The following STAM variants were observed in gnomAD, a reference collection of about 807,000 sequenced individuals.
STAM encodes the protein signal transducing adapter molecule 1.
STAM carries 16 observed loss-of-function variants against 63.4 expected under a neutral mutation model. That is an observed-to-expected ratio of 0.25 (90% CI 0.17 to 0.38). The LOEUF (loss-of-function observed/expected upper bound fraction) is 0.38, where lower values mean the gene tolerates loss of function less well. Ranked by LOEUF, STAM falls within the 10% of genes least tolerant of loss-of-function variation. The pLI, the probability that STAM is intolerant of heterozygous loss-of-function variation, is 1.00. For missense variants in STAM, 636 were observed against 657.1 expected (o/e 0.97, Z 0.35); for synonymous variants, 238 against 223.9 (o/e 1.06, Z -0.56).
intron 2 of STAM, among the ~76,000 whole-genome samples, chr10:17,665,460 T>C (rs1006397644): frequency 6.6e-5 from 10 of 152,174 alleles, no homozygotes; most frequent in African/African-American, 2.4e-4. Flanking sequence ...CAAATGTGAA[T>C]ACATTTTCCC....
At chr10:17,706,999 A>G (rs1163532120) in intron 12 of STAM, among the ~76,000 whole-genome samples, 2 of 152,246 alleles carry the variant, frequency 1.3e-5, no homozygotes, top group African/African-American at 4.8e-5. Flanking sequence ...CCTGCTTTAC[A>G]TGAGAATGCA....
chr10:17,649,775 T>A (rs61842266), intron 1 of STAM, among the ~76,000 whole-genome samples: 2,889 of 152,304 alleles, frequency 0.019, 29 homozygotes, highest in Middle Eastern at 0.027. Flanking sequence ...TGTTTGTTTT[T>A]AAATCTTTTT....
intron 13 of STAM, among the ~76,000 whole-genome samples, chr10:17,711,786 G>T (rs534040087): frequency 6.6e-6 from 1 of 152,178 alleles, no homozygotes; most frequent in Non-Finnish European, 1.5e-5. Context: ...TGCCAAGGTC[G>T]AAGAATGCTT....
intron 12 of STAM, among the ~76,000 whole-genome samples, chr10:17,706,511 TG>T (rs1836285461): frequency 6.6e-6 from 1 of 151,300 alleles, no homozygotes; most frequent in South Asian, 2.1e-4. Context: ...CCTGAGTAGC[TG>T]GGACTACAGG....
At chr10:17,648,553 C>A (rs1015086672) in intron 1 of STAM, among the ~76,000 whole-genome samples, 1 of 152,190 alleles carries the variant, frequency 6.6e-6, no homozygotes, top group African/African-American at 2.4e-5. Context: ...GTAACACTCA[C>A]CACAAAGGTC....
intron 1 of STAM, among the ~76,000 whole-genome samples, chr10:17,651,037 C>A (rs1264103617): frequency 7.5e-6 from 1 of 132,886 alleles, no homozygotes; most frequent in African/African-American, 2.9e-5. Context: ...TGCATTCCAG[C>A]CTTGGTGACA....
chr10:17,647,243 C>T (rs1554820962), intron 1 of STAM, among the ~76,000 whole-genome samples: 1 of 152,184 alleles, frequency 6.6e-6, no homozygotes, highest in Non-Finnish European at 1.5e-5. Flanking sequence ...GTAAAGATAA[C>T]TTATTTCATC....
intron 2 of STAM, among the ~76,000 whole-genome samples, chr10:17,669,902 T>C (rs1208137207): frequency 6.7e-6 from 1 of 149,282 alleles, no homozygotes; most frequent in African/African-American, 2.5e-5. Context: ...TTTTTTTTTT[T>C]TGTATTTTTA....
intron 12 of STAM, among the ~76,000 whole-genome samples, chr10:17,708,545 A>C (rs10219064): frequency 0.13 from 19,898 of 152,212 alleles, 1,503 homozygotes; most frequent in East Asian, 0.26. Context: ...TTAATGCTTC[A>C]GTATGGAGAT....
intron 1 of STAM, among the ~76,000 whole-genome samples, chr10:17,658,333 GTTTGT>G (rs1834025692): frequency 1.3e-5 from 2 of 151,828 alleles, no homozygotes; most frequent in Non-Finnish European, 2.9e-5. Flanking sequence ...ATTTGTCTTG[GTTTGT>G]TTTATGACCC....
At chr10:17,712,389 TCTC>T (rs1836595596) in intron 13 of STAM, among the ~76,000 whole-genome samples, 1 of 152,182 alleles carries the variant, frequency 6.6e-6, no homozygotes, top group South Asian at 2.1e-4. Context: ...AAATTTGACA[TCTC>T]CTAATCAACT....
intron 2 of STAM, chr10:17,673,161 T>G: frequency 2.4e-6 from 1 of 420,220 alleles, no homozygotes; most frequent in Non-Finnish European, 3.2e-6. Flanking sequence ...AAATATTTTG[T>G]GTTTATTGCC....
rs1006382360 is a variant in STAM at position 17,649,648 on chromosome 10, C to T, written c.40+5269C>T. Reference sequence around the variant, plus strand: ...ATGAATTATTGGTGTTTTTCTAGAACATTAGTCTTGTATTTCTATTTGCTG... The same window carrying T: ...ATGAATTATTGGTGTTTTTCTAGAATATTAGTCTTGTATTTCTATTTGCTG... On this transcript the variant is annotated intron_variant, in intron 1 of 13. Transcript: ENST00000377524. Among the ~76,000 whole-genome samples the T allele has an allele frequency of 1.2e-4, 19 of 152,230 alleles. No homozygotes were observed. The East Asian group carries it at 1.3e-3, about 11-fold the overall frequency.
chr10:17,645,637 C>T (rs1554820737), intron 1 of STAM, among the ~76,000 whole-genome samples: 1 of 152,066 alleles, frequency 6.6e-6, no homozygotes, highest in African/African-American at 2.4e-5. Context: ...TTTTGTTCCA[C>T]CTTAAATGAG....
Position 17,715,078 on chromosome 10 carries a change from AC to A in STAM, c.*299del, listed in dbSNP as rs1836756522. On this transcript the variant is annotated 3_prime_UTR_variant, in exon 14 of 14. Transcript: ENST00000377524. ...ACCTGGTCTGCAGAAAGTCAAACTT[AC>A]AAAAACTGTTGTGACAAATGTTATG... 1 of 390,530 alleles carries A rather than the reference AC, an allele frequency of 2.6e-6. No homozygotes were observed. The highest frequency in any genetic ancestry group is 2.6e-5 in the South Asian group (1 of 38,406). The allele number at this position is 390,530 out of a possible 1,614,324, so 24.2% of individuals were successfully genotyped here.
chr10:17,702,281 C>T (rs898009093), intron 9 of STAM, among the ~76,000 whole-genome samples: 9 of 151,764 alleles, frequency 5.9e-5, no homozygotes, highest in South Asian at 2.1e-4. Context: ...CAAAGAAATC[C>T]CATATGGTCA....
intron 6 of STAM, 70 bp downstream of exon 6, chr10:17,693,382 A>G: frequency 7.7e-7 from 1 of 1,292,452 alleles, no homozygotes; most frequent in Non-Finnish European, 1.1e-6. Flanking sequence ...ATTTAAAGGT[A>G]AAATAAATAG....
chr10:17,682,700 GA>G (rs34089222), intron 2 of STAM, among the ~76,000 whole-genome samples: 30 of 151,904 alleles, frequency 2.0e-4, no homozygotes, highest in African/African-American at 6.8e-4. Context: ...CCATGCACAT[GA>G]AAAAAAATGT....
Position 17,713,739 on chromosome 10 carries a change from G to T in STAM, c.1386-804G>T, listed in dbSNP as rs145389186. On this transcript the variant is annotated intron_variant, in intron 13 of 13. Transcript: ENST00000377524. ...CTCTTCTGCTGGTCGGCTCTCTCCTGGTGGATCGTAATAACCTGCAGTCAG... is the reference window on the plus strand; with the variant it reads ...CTCTTCTGCTGGTCGGCTCTCTCCTTGTGGATCGTAATAACCTGCAGTCAG... 5.4e-3 allele frequency among the ~76,000 whole-genome samples: 816 copies of T among 152,096 alleles called. 4 individuals carry two copies. The highest frequency in any genetic ancestry group is 8.2e-3 in the Non-Finnish European group (557 of 68,004).
Sources: gnomAD v4.1 joint callset for allele counts (sites outside exome capture counted in the v4.1 genomes callset) on GRCh38, gnomAD v4.1.1 for gene constraint, MANE v1.5 for transcripts, NCBI Gene and HGNC (gene_info 2026-07-23, HGNC 2026-07-21) for gene names.